ADK: variants seen among roughly 807,000 people sequenced by gnomAD.
ADK encodes the protein N6,N6-dimethyladenosine kinase.
A neutral mutation model predicts 44.7 loss-of-function variants in ADK; 24 were observed. That is an observed-to-expected ratio of 0.54 (90% confidence interval 0.39 to 0.76). The LOEUF (loss-of-function observed/expected upper bound fraction) is 0.76. Ranked by LOEUF, ADK falls within the 30% of genes least tolerant of loss-of-function variation. ADK has a pLI of 0.00. For synonymous variants in ADK, 128 were observed against 142.6 expected, an observed-to-expected ratio of 0.90 and a Z score of 0.73; for missense variants, 321 against 425.1, an observed-to-expected ratio of 0.76 and a Z score of 2.15.
intron 6 of ADK, among the ~76,000 whole-genome samples, chr10:74,417,883 T>C (rs1038447575): frequency 6.6e-6 from 1 of 152,304 alleles, no homozygotes; most frequent in Admixed American, 6.5e-5. Flanking sequence ...ATTAAATATT[T>C]ACTCACGTGC....
At chr10:74,605,359 A>G (rs959568305) in intron 9 of ADK, among the ~76,000 whole-genome samples, 3 of 152,178 alleles carry the variant, frequency 2.0e-5, no homozygotes, top group African/African-American at 7.2e-5. Context: ...TTGCCCATTC[A>G]GCGTGATATT....
chr10:74,205,089 A>C (rs1356964960), intron 2 of ADK, among the ~76,000 whole-genome samples: 1 of 150,258 alleles, frequency 6.7e-6, no homozygotes, highest in Non-Finnish European at 1.5e-5. Context: ...GCCAAACCAC[A>C]CCAAAACAAA....
intron 1 of ADK, among the ~76,000 whole-genome samples, chr10:74,155,234 G>C (rs1000177346): frequency 3.9e-5 from 6 of 152,008 alleles, no homozygotes; most frequent in Non-Finnish European, 8.8e-5. Flanking sequence ...CTACATTCCA[G>C]CACTTTGGGA....
rs1853524710 is a variant in ADK at position 74,633,832 on chromosome 10, G to A, written c.877+33339G>A. Reference sequence around the variant, plus strand: ...CTTTCTCTAGGGCCAGCCCAAGTTGGCACCAAGTAGCATGCCTAAAAGTTG... The same window carrying A: ...CTTTCTCTAGGGCCAGCCCAAGTTGACACCAAGTAGCATGCCTAAAAGTTG... On this transcript the variant is annotated intron_variant, in intron 9 of 10. Coordinates refer to ENST00000539909, the MANE Select transcript of ADK (RefSeq NM_006721.4). Among the ~76,000 whole-genome samples, 4 of 152,176 alleles carry A rather than the reference G, an allele frequency of 2.6e-5. No homozygotes were observed. In the South Asian group the frequency reaches 8.3e-4, roughly 32 times the overall value.
chr10:74,355,091 T>C (rs2131919590), intron 4 of ADK, among the ~76,000 whole-genome samples: 1 of 152,332 alleles, frequency 6.6e-6, no homozygotes, highest in East Asian at 1.9e-4. Flanking sequence ...TCTCCCAATG[T>C]GCTAGAACTA....
intron 6 of ADK, among the ~76,000 whole-genome samples, chr10:74,514,136 C>A (rs74921196): frequency 3.3e-5 from 5 of 152,226 alleles, no homozygotes; most frequent in African/African-American, 4.8e-5. Flanking sequence ...ATTATCCTGT[C>A]CTCTCCTGGA....
chr10:74,553,226 G>C (rs1850106256), intron 7 of ADK, among the ~76,000 whole-genome samples: 1 of 97,246 alleles, frequency 1.0e-5, no homozygotes, highest in African/African-American at 4.1e-5. Context: ...TTTTGAGACA[G>C]AGTCTCACTC....
At chr10:74,700,720 G>A (rs373944869) in intron 10 of ADK, among the ~76,000 whole-genome samples, 2 of 152,152 alleles carry the variant, frequency 1.3e-5, no homozygotes, top group Non-Finnish European at 2.9e-5. Flanking sequence ...CCAGAAAACA[G>A]TGAAAGTGGT....
chr10:74,385,846 C>A (rs146028393), intron 4 of ADK, among the ~76,000 whole-genome samples: 1 of 152,030 alleles, frequency 6.6e-6, no homozygotes, highest in African/African-American at 2.4e-5. Context: ...TAATATTCCC[C>A]GAATCTGTTC....
intron 4 of ADK, among the ~76,000 whole-genome samples, chr10:74,372,869 A>G (rs899910813): frequency 4.6e-5 from 7 of 152,336 alleles, no homozygotes; most frequent in Middle Eastern, 3.4e-3. Flanking sequence ...TGGAAATTCA[A>G]GGGACCCAGT....
chr10:74,651,798 T>C (rs1408529163), intron 9 of ADK, among the ~76,000 whole-genome samples: 3 of 152,106 alleles, frequency 2.0e-5, no homozygotes, highest in Non-Finnish European at 4.4e-5. Flanking sequence ...AGCACACCAC[T>C]GACAGTTAAA....
At position 74,277,390 on chromosome 10, in the gene ADK, T is replaced by TGTTTA. The variant is rs1491434372; in HGVS notation, c.195-37273_195-37272insAGTTT. Among the ~76,000 whole-genome samples, 5 of 107,030 alleles carry TGTTTA rather than the reference T, an allele frequency of 4.7e-5. No homozygotes were observed. In the East Asian group the frequency reaches 1.4e-3, roughly 29 times the overall value. 70.2% of individuals were successfully genotyped at this position (107,030 alleles called of 152,430 possible). ...GAAGTGTTTTAAATTTCTTTTGTTT[T>TGTTTA]GTTTTGTTTTGTTTTGTTTTTTTGA... On this transcript the variant is annotated intron_variant, in intron 3 of 10. Coordinates refer to ENST00000539909, the MANE Select transcript of ADK (RefSeq NM_006721.4).
chr10:74,290,318 C>CT (rs1265256484), intron 3 of ADK, among the ~76,000 whole-genome samples: 33 of 152,120 alleles, frequency 2.2e-4, no homozygotes, highest in Admixed American at 2.2e-3. Flanking sequence ...TTTGGAAAAA[C>CT]TATCAGTACT....
chr10:74,487,099 C>G (rs1187616816), intron 6 of ADK, among the ~76,000 whole-genome samples: 1 of 152,008 alleles, frequency 6.6e-6, no homozygotes, highest in Non-Finnish European at 1.5e-5. Flanking sequence ...CTTGTAAACA[C>G]TGATTATGAT....
At chr10:74,352,059 A>G (rs1326228376) in intron 4 of ADK, among the ~76,000 whole-genome samples, 1 of 152,156 alleles carries the variant, frequency 6.6e-6, no homozygotes, top group Admixed American at 6.5e-5. Flanking sequence ...AGAGTTAAAA[A>G]AAAAAAAGAA....
chr10:74,310,239 A>G (rs1231555645), intron 3 of ADK, among the ~76,000 whole-genome samples: 4 of 152,200 alleles, frequency 2.6e-5, no homozygotes, highest in Admixed American at 2.6e-4. Flanking sequence ...CTATGGAAAA[A>G]GTCATGTAAG....
intron 2 of ADK, among the ~76,000 whole-genome samples, chr10:74,216,730 A>AAT (rs1564598491): frequency 4.0e-5 from 6 of 151,042 alleles, no homozygotes; most frequent in Admixed American, 3.3e-4. Flanking sequence ...GTCTCAAAAA[A>AAT]AAAAATAAAA....
intron 1 of ADK, among the ~76,000 whole-genome samples, chr10:74,185,278 T>C (rs867768106): frequency 9.9e-5 from 15 of 152,158 alleles, no homozygotes; most frequent in African/African-American, 3.6e-4. Flanking sequence ...ATAATGGTAG[T>C]TGGAAGTACA....
chr10:74,515,780 G>A (rs1016653495), intron 6 of ADK, among the ~76,000 whole-genome samples: 5 of 152,098 alleles, frequency 3.3e-5, no homozygotes, highest in Admixed American at 6.6e-5. Flanking sequence ...TTAAGAGCAG[G>A]CTTGCTGTGG....
Sources: allele counts gnomAD v4.1 joint callset (sites outside exome capture counted in the v4.1 genomes callset), GRCh38; gene constraint gnomAD v4.1.1; transcripts MANE v1.5; gene names NCBI Gene and HGNC (gene_info 2026-07-23, HGNC 2026-07-21).